The following JAK2 variants were observed in gnomAD, a reference collection of about 807,000 sequenced individuals.
JAK2 encodes the protein Janus kinase 2, also known as tyrosine-protein kinase JAK2.
JAK2 carries 86 observed loss-of-function variants against 139.3 expected under a neutral mutation model. The ratio of observed to expected loss-of-function variants is 0.62; its 90% confidence interval spans 0.52 to 0.74. The LOEUF is 0.74. JAK2 is among the 30% of genes least tolerant of loss of function. The pLI, the probability that JAK2 is intolerant of heterozygous loss-of-function variation, is 0.00. For synonymous variants in JAK2, 490 were observed against 437.7 expected (o/e 1.12, Z -1.49); for missense variants, 1,421 against 1,360.3 (o/e 1.04, Z -0.70).
At chr9:5,105,485 C>G (rs1230472836) in intron 22 of JAK2, among the ~76,000 whole-genome samples, 1 of 152,190 alleles carries the variant, frequency 6.6e-6, no homozygotes, top group Non-Finnish European at 1.5e-5. Context: ...AATGGCGATA[C>G]TGCCCAAAGT....
intron 3 of JAK2, 105 bp downstream of exon 3, chr9:5,022,318 C>G (rs879845794): frequency 8.9e-6 from 6 of 674,618 alleles, no homozygotes; most frequent in Non-Finnish European, 1.2e-5. Context: ...TTTTTTAATG[C>G]TTGTATGGCT....
chr9:5,100,618 G>GA (rs1424305937), intron 22 of JAK2: 1 of 152,240 alleles, frequency 6.6e-6, no homozygotes, highest in Non-Finnish European at 1.5e-5. Flanking sequence ...CAAACGCTTA[G>GA]AAGTACCTTT....
chr9:5,030,069 G>T (rs1823043992), intron 4 of JAK2, among the ~76,000 whole-genome samples, 163 bp downstream of exon 4: 2 of 152,154 alleles, frequency 1.3e-5, no homozygotes, highest in South Asian at 4.1e-4. Context: ...CTCCATCAGA[G>T]AAACTGTTTA....
Position 5,069,409 on chromosome 9 carries a change from A to G in JAK2, c.1513+201A>G, listed in dbSNP as rs192569436. Among the ~76,000 whole-genome samples the G allele has an allele frequency of 4.4e-3, 669 of 152,288 alleles. 5 individuals carry two copies. Among genetic ancestry groups the G allele is most frequent in the African/African-American group, 0.015 (635 of 41,564 alleles). ...TGGTCTAGAAGTGACTTGAAGTTCA[A>G]TTATTCTAAAATGAGATTTTAAACA... On this transcript the variant is annotated intron_variant, in intron 11 of 24. Transcript: ENST00000381652.
At position 5,093,121 on chromosome 9, in the gene JAK2, G is replaced by A. The variant is rs569053793; in HGVS notation, c.3059+2210G>A. 8.5e-5 allele frequency among the ~76,000 whole-genome samples: 13 copies of A among 152,086 alleles called. 1 individual carries two copies. Among genetic ancestry groups the A allele is most frequent in the Admixed American group, 5.9e-4 (9 of 15,276 alleles). On this transcript the variant is annotated intron_variant, in intron 22 of 24. Coordinates refer to ENST00000381652, the MANE Select transcript of JAK2 (RefSeq NM_004972.4). ...AAATAACATGAAAATATTCTCCACC[G>A]CATAAGCTTACATAAGACTGGAATA...
chr9:5,099,576 T>C (rs2130736510), intron 22 of JAK2: 1 of 152,344 alleles, frequency 6.6e-6, no homozygotes, highest in South Asian at 2.1e-4. Flanking sequence ...ACGAAATCTA[T>C]TCATCTCTTT....
chr9:5,066,654 A>T, intron 9 of JAK2, 24 bp from the exon 10 acceptor site: 1 of 1,299,232 alleles, frequency 7.7e-7, no homozygotes, highest in Non-Finnish European at 1.1e-6. Context: ...TATATTATTC[A>T]AATTGCTTCT....
chr9:5,041,246 GC>G, intron 4 of JAK2: 1 of 1,455,602 alleles, frequency 6.9e-7, no homozygotes, highest in Non-Finnish European at 9.5e-7. Context: ...GCGGCAGCAC[GC>G]CATCCACATC....
In JAK2 at chr9:5,089,766, T is replaced by C; in HGVS notation, c.2664T>C (p.Thr888=). 1 of 1,599,026 alleles carries C rather than the reference T, an allele frequency of 6.3e-7. No individual in the cohort carries two copies. Among genetic ancestry groups the C allele is most frequent in the Non-Finnish European group, 8.5e-7 (1 of 1,172,706 alleles). ...VVAVKKLQHS[T]EEHLRDFERE... ...CTGTAAAAAAGCTTCAGCATAGTAC[T>C]GAAGAGCACCTAAGAGACTTTGAAA... Residue 888 remains threonine (T), a synonymous_variant, in exon 20 of 25, where the codon ACT becomes ACC. Coordinates refer to ENST00000381652, the MANE Select transcript of JAK2 (RefSeq NM_004972.4).
At position 5,078,002 on chromosome 9, in the gene JAK2, G is replaced by A. The variant is rs188203216; in HGVS notation, c.1993-304G>A. Among the ~76,000 whole-genome samples, 3 of 152,304 alleles carry A rather than the reference G, an allele frequency of 2.0e-5. No homozygotes were observed. In the East Asian group the frequency reaches 5.8e-4, roughly 29 times the overall value. Reference sequence around the variant, plus strand: ...ACCTATGTCCTGCTGCAGAACTGAAGTAGTATTTCTTAATGTCAGCTCCCA... The same window carrying A: ...ACCTATGTCCTGCTGCAGAACTGAAATAGTATTTCTTAATGTCAGCTCCCA... On this transcript the variant is annotated intron_variant, in intron 15 of 24. Transcript: ENST00000381652.
chr9:5,008,020 C>T (rs1052240656), intron 2 of JAK2, among the ~76,000 whole-genome samples: 12 of 152,236 alleles, frequency 7.9e-5, no homozygotes, highest in Non-Finnish European at 1.2e-4. Context: ...TGAGCCACCG[C>T]GCCTGGCCCT....
chr9:5,030,165 TAAAC>T (rs1823051966), intron 4 of JAK2, among the ~76,000 whole-genome samples: 1 of 152,182 alleles, frequency 6.6e-6, no homozygotes, highest in Admixed American at 6.5e-5. Context: ...ATTAAATAAG[TAAAC>T]AAAATCACAG....
intron 2 of JAK2, among the ~76,000 whole-genome samples, chr9:5,002,621 T>A (rs1244591261): frequency 2.0e-5 from 3 of 151,984 alleles, no homozygotes; most frequent in Non-Finnish European, 4.4e-5. Context: ...GGGCATTGTG[T>A]TCTGTAAATG....
intron 19 of JAK2, among the ~76,000 whole-genome samples, chr9:5,083,286 A>G (rs1287795935): frequency 1.3e-5 from 2 of 152,222 alleles, no homozygotes; most frequent in African/African-American, 4.8e-5. Context: ...AACGTCACAC[A>G]GTCATGTATA....
intron 4 of JAK2, among the ~76,000 whole-genome samples, chr9:5,035,155 C>G (rs939915077): frequency 1.3e-5 from 2 of 152,172 alleles, no homozygotes; most frequent in Non-Finnish European, 2.9e-5. Flanking sequence ...AATTCCTGGA[C>G]ACATACACCC....
chr9:5,108,258 G>C (rs1022069023), intron 22 of JAK2: 2 of 152,018 alleles, frequency 1.3e-5, no homozygotes, highest in African/African-American at 4.8e-5. Flanking sequence ...CACAGCCACA[G>C]AACTAATTAT....
At chr9:5,013,862 A>G (rs1195335035) in intron 2 of JAK2, among the ~76,000 whole-genome samples, 2 of 149,716 alleles carry the variant, frequency 1.3e-5, no homozygotes, top group Admixed American at 1.3e-4. Flanking sequence ...CGGAAATTTA[A>G]TTAAGTAATT....
intron 5 of JAK2, among the ~76,000 whole-genome samples, chr9:5,048,181 G>C (rs1057131176): frequency 5.3e-5 from 8 of 151,332 alleles, no homozygotes; most frequent in African/African-American, 1.9e-4. Context: ...TCCCACTGTT[G>C]CCTGGGCTGG....
At position 4,985,297 on chromosome 9, in the gene JAK2, T is replaced by C. The variant is rs1238197395; in HGVS notation, c.-442T>C. 6.6e-6 allele frequency: 1 copy of C among 152,236 alleles called. No homozygotes were observed. The highest frequency in any genetic ancestry group is 1.5e-5 in the Non-Finnish European group (1 of 68,156). 9.4% of individuals were successfully genotyped at this position (152,236 alleles called of 1,614,324 possible). A position where few individuals can be genotyped will look rare whatever the true frequency, so the allele number is the denominator to read the frequency against. ...AGAAGGGGGCAGCAGCGGACGCCGC[T>C]AACGGCCTCCCTCGGCGCTGACAGG... is the stretch of plus-strand genomic sequence containing the variant. On this transcript the variant is annotated 5_prime_UTR_variant, in exon 1 of 25. Transcript: ENST00000381652.
Sources: allele counts gnomAD v4.1 joint callset (sites outside exome capture counted in the v4.1 genomes callset), GRCh38; gene constraint gnomAD v4.1.1; transcripts MANE v1.5; gene names NCBI Gene and HGNC (gene_info 2026-07-23, HGNC 2026-07-21).